Variants in MCC observed in about 807,000 individuals in gnomAD.
MCC encodes colorectal mutant cancer protein.
In MCC, 90 loss-of-function variants were observed where a neutral mutation model predicts 116.2. The observed-to-expected ratio is 0.77, with a 90% CI of 0.65 to 0.92. MCC has a LOEUF of 0.92. MCC is among the 40% of genes least tolerant of loss of function. MCC has a pLI of 0.00. For missense variants in MCC, 1,516 were observed against 1,312.2 expected (o/e 1.16, Z -2.40); for synonymous variants, 578 against 510.5 (o/e 1.13, Z -1.78).
intron 3 of MCC, among the ~76,000 whole-genome samples, chr5:113,164,221 T>C (rs892502907): frequency 6.6e-6 from 1 of 152,200 alleles, no homozygotes; most frequent in East Asian, 1.9e-4. Context: ...GTGGTCACTA[T>C]GTCTATGTGC....
intron 2 of MCC, among the ~76,000 whole-genome samples, chr5:113,345,957 T>G (rs1768122753): frequency 6.6e-6 from 1 of 151,586 alleles, no homozygotes; most frequent in African/African-American, 2.4e-5. Context: ...AAAATAACTG[T>G]TTTGAGGAAA....
rs1475066036 is a variant in MCC at position 113,434,841 on chromosome 5, G to C, written c.171-49629C>G. 6.2e-7 allele frequency: 1 copy of C among 1,603,680 alleles called. No homozygotes were observed. The highest frequency in any genetic ancestry group is 8.5e-7 in the Non-Finnish European group (1 of 1,173,072). On this transcript the variant is annotated intron_variant, in intron 1 of 18. Transcript: ENST00000408903. The surrounding 1 kb of genome is among the most constrained non-coding windows in gnomAD (Gnocchi z 4.2). ...CTTGAGGACAGCAGCGTCATCCATG[G>C]TGCCAGGAATGCCCAGTGCCTCTGA... is the stretch of plus-strand genomic sequence containing the variant.
chr5:113,441,646 C>T (rs1158384573), intron 1 of MCC, among the ~76,000 whole-genome samples: 1 of 152,146 alleles, frequency 6.6e-6, no homozygotes, highest in Non-Finnish European at 1.5e-5. Context: ...ATACTATCCC[C>T]TCCTCTAACC....
At chr5:113,327,246 T>C (rs899800072) in intron 3 of MCC, among the ~76,000 whole-genome samples, 2 of 151,960 alleles carry the variant, frequency 1.3e-5, no homozygotes, top group African/African-American at 4.8e-5. Context: ...GGGTGGGATT[T>C]ACATTTAACA....
intron 3 of MCC, among the ~76,000 whole-genome samples, chr5:113,245,493 T>G (rs1270924719): frequency 6.6e-6 from 1 of 151,868 alleles, no homozygotes; most frequent in Non-Finnish European, 1.5e-5. Context: ...AAAGTAGAAT[T>G]TAGTCCTTGC....
At chr5:113,190,566 A>C (rs922404513) in intron 3 of MCC, among the ~76,000 whole-genome samples, 1 of 152,210 alleles carries the variant, frequency 6.6e-6, no homozygotes, top group East Asian at 1.9e-4. Flanking sequence ...CAGCTAAAGA[A>C]TGTAGAGCTA....
At chr5:113,170,433 G>A (rs1158876977) in intron 3 of MCC, among the ~76,000 whole-genome samples, 1 of 152,128 alleles carries the variant, frequency 6.6e-6, no homozygotes, top group Non-Finnish European at 1.5e-5. Flanking sequence ...CATGAATGGT[G>A]AGAAGCTTGG....
rs34111159 is a variant in MCC, at chr5:113,456,623, ATTTTTTTTTT to A, written c.170+31612_170+31621del. Among the ~76,000 whole-genome samples, 112 of 51,080 alleles carry A rather than the reference ATTTTTTTTTT, an allele frequency of 2.2e-3. 3 individuals are homozygous for A. The East Asian group carries it at 0.065, about 29-fold the overall frequency. The allele number at this position is 51,080 out of a possible 152,430, so 33.5% of individuals were successfully genotyped here. ...AGTCACCCGCCACCATGCCCAGCTA[ATTTTTTTTTT>A]TTTTTTTTTTTTTTTTTTTAGTAGA... On this transcript the variant is annotated intron_variant, in intron 1 of 18. Coordinates refer to ENST00000408903, the MANE Select transcript of MCC (RefSeq NM_001085377.2).
At chr5:113,419,295 C>CA (rs1770248389) in intron 1 of MCC, among the ~76,000 whole-genome samples, 1 of 151,904 alleles carries the variant, frequency 6.6e-6, no homozygotes, top group South Asian at 2.1e-4. Flanking sequence ...CTTGGCCTCC[C>CA]AAGTAGCTGG....
chr5:113,205,325 G>T (rs1391357697), intron 3 of MCC, among the ~76,000 whole-genome samples: 1 of 152,214 alleles, frequency 6.6e-6, no homozygotes, highest in Non-Finnish European at 1.5e-5. Context: ...AATTTCCTCA[G>T]CTTTAATGAG....
chr5:113,295,922 C>T (rs1362782267), intron 3 of MCC, among the ~76,000 whole-genome samples: 2 of 152,152 alleles, frequency 1.3e-5, no homozygotes, highest in Non-Finnish European at 2.9e-5. Flanking sequence ...ATCCTGAAGC[C>T]TTCTGTGAAA....
intron 3 of MCC, among the ~76,000 whole-genome samples, chr5:113,334,705 C>T (rs557359308): frequency 6.7e-6 from 1 of 149,252 alleles, no homozygotes; most frequent in African/African-American, 2.5e-5. Flanking sequence ...ATTCTCTGGT[C>T]TCATCCTCCT....
chr5:113,073,656 CTTT>C (rs565478702), intron 11 of MCC, among the ~76,000 whole-genome samples: 1 of 144,276 alleles, frequency 6.9e-6, no homozygotes, highest in Admixed American at 6.9e-5. Context: ...CATATGGCTG[CTTT>C]TTTTTTTTTT....
intron 2 of MCC, among the ~76,000 whole-genome samples, chr5:113,354,625 G>C (rs1768364836): frequency 6.6e-6 from 1 of 151,596 alleles, no homozygotes; most frequent in Admixed American, 6.6e-5. Flanking sequence ...AGGAGAGACG[G>C]GGTTTCACCA....
intron 1 of MCC, among the ~76,000 whole-genome samples, chr5:113,425,725 GTCA>G (rs1741737194): frequency 6.6e-6 from 1 of 152,040 alleles, no homozygotes; most frequent in Non-Finnish European, 1.5e-5. Flanking sequence ...AGCTAAAAGC[GTCA>G]TCAGTGTTAC....
chr5:113,096,618 G>C (rs1318415980), intron 8 of MCC, among the ~76,000 whole-genome samples: 1 of 152,180 alleles, frequency 6.6e-6, no homozygotes, highest in Non-Finnish European at 1.5e-5. Flanking sequence ...GCCTAGTTCT[G>C]GTCAACAGGC....
chr5:113,293,901 C>A (rs1766607923), intron 3 of MCC, among the ~76,000 whole-genome samples: 1 of 152,156 alleles, frequency 6.6e-6, no homozygotes, highest in African/African-American at 2.4e-5. Context: ...ATGAAATAAT[C>A]CAATGCGTCC....
intron 17 of MCC, among the ~76,000 whole-genome samples, chr5:113,030,824 G>A (rs1750904134): frequency 6.6e-6 from 1 of 152,220 alleles, no homozygotes; most frequent in Non-Finnish European, 1.5e-5. Flanking sequence ...ACTAGAAGGT[G>A]AAACACAAAC....
chr5:113,084,078 C>A, intron 10 of MCC, 23 bp downstream of exon 10: 1 of 1,601,290 alleles, frequency 6.2e-7, no homozygotes, highest in Non-Finnish European at 8.6e-7. Context: ...TACTTTCTTG[C>A]CTTGCTTCTC....
Sources: gnomAD v4.1 joint callset for allele counts (sites outside exome capture counted in the v4.1 genomes callset) on GRCh38, gnomAD v4.1.1 for gene constraint, Gnocchi (gnomAD v3.1) non-coding constraint, MANE v1.5 for transcripts, NCBI Gene and HGNC (gene_info 2026-07-23, HGNC 2026-07-21) for gene names.